Variants in FBLN5 observed in about 807,000 individuals in gnomAD.
FBLN5 encodes fibulin-5.
In FBLN5, 24 loss-of-function variants were observed where a neutral mutation model predicts 61.6. The observed-to-expected ratio is 0.39, with a 90% confidence interval of 0.28 to 0.55. The LOEUF (loss-of-function observed/expected upper bound fraction) is 0.55, where lower values mean the gene tolerates loss of function less well. Ranked by LOEUF, FBLN5 falls within the 20% of genes least tolerant of loss-of-function variation. The probability of loss-of-function intolerance (pLI) is 0.65; values close to 1 mark genes in which losing one functional copy is unlikely to be tolerated. For missense variants in FBLN5, 470 were observed against 594.1 expected, an observed-to-expected ratio of 0.79 and a Z score of 2.17; for synonymous variants, 213 against 219.8, an observed-to-expected ratio of 0.97 and a Z score of 0.27.
At chr14:91,919,390 AAAGG>A (rs3031540) in intron 4 of FBLN5, among the ~76,000 whole-genome samples, 5,593 of 99,536 alleles carry the variant, frequency 0.056, 185 homozygotes, top group South Asian at 0.18. Flanking sequence ...AGAAAGAAAG[AAAGG>A]AAGGAAGGAA....
intron 4 of FBLN5, among the ~76,000 whole-genome samples, chr14:91,933,827 T>A (rs988937660): frequency 6.6e-6 from 1 of 151,854 alleles, no homozygotes; most frequent in Admixed American, 6.6e-5. Flanking sequence ...AAAAGAGAGA[T>A]AGCTGGGTGC....
At chr14:91,903,405 G>GAGATAACA (rs1482547522) in intron 4 of FBLN5, among the ~76,000 whole-genome samples, 2 of 152,162 alleles carry the variant, frequency 1.3e-5, no homozygotes, top group Non-Finnish European at 2.9e-5. Context: ...TACCCATAAA[G>GAGATAACA]AGATAACAAA....
At chr14:91,894,482 C>T (rs987517990) in intron 5 of FBLN5, among the ~76,000 whole-genome samples, 4 of 144,830 alleles carry the variant, frequency 2.8e-5, no homozygotes, top group Non-Finnish European at 6.0e-5. Context: ...AATCTCAGCA[C>T]TTTTGAGGCG....
At chr14:91,897,675 T>C (rs1216380023) in intron 4 of FBLN5, among the ~76,000 whole-genome samples, 2 of 152,230 alleles carry the variant, frequency 1.3e-5, no homozygotes, top group South Asian at 4.1e-4. Context: ...ATCGTGGGCA[T>C]GTGTGCGAAG....
intron 9 of FBLN5, 105 bp from the exon 10 acceptor site, chr14:91,877,787 G>C: frequency 1.2e-6 from 1 of 839,726 alleles, no homozygotes; most frequent in Non-Finnish European, 2.0e-6. Context: ...CCCATTTTTA[G>C]CATCCAAATG....
intron 10 of FBLN5, among the ~76,000 whole-genome samples, chr14:91,876,669 C>A (rs979812670): frequency 6.6e-6 from 1 of 152,080 alleles, no homozygotes; most frequent in Non-Finnish European, 1.5e-5. Context: ...GTGCTGGCGG[C>A]CCCCGGAAGC....
rs1358332660 is a variant in FBLN5 at position 91,947,544 on chromosome 14, A to G, written c.-315T>C. 1 of 494,466 alleles carries G rather than the reference A, an allele frequency of 2.0e-6. No homozygotes were observed. Among genetic ancestry groups the G allele is most frequent in the Non-Finnish European group, 3.7e-6 (1 of 271,902 alleles). The allele number at this position is 494,466 out of a possible 1,614,324, so 30.6% of individuals were successfully genotyped here. The stretch of plus-strand genomic sequence containing the variant: ...TGTTAAACAATGCAAATGGGGCCTC[A>G]GTCTGGACACAGCTGGTTCAGATTA... On this transcript the variant is annotated 5_prime_UTR_variant, in exon 1 of 11. Coordinates refer to ENST00000342058, the MANE Select transcript of FBLN5 (RefSeq NM_006329.4). This position sits in a 1 kb window ranked among gnomAD's most constrained non-coding sequence, Gnocchi z 4.3.
intron 4 of FBLN5, among the ~76,000 whole-genome samples, chr14:91,899,278 G>A (rs1276969607): frequency 6.6e-6 from 1 of 152,164 alleles, no homozygotes; most frequent in Non-Finnish European, 1.5e-5. Flanking sequence ...GCTCCCTCCT[G>A]GCTGCTGTCA....
chr14:91,889,473 G>A lies in FBLN5; in HGVS notation c.619+1748C>T, dbSNP rs148453107. On this transcript the variant is annotated intron_variant, in intron 6 of 10. Coordinates refer to ENST00000342058, the MANE Select transcript of FBLN5 (RefSeq NM_006329.4). ...CCCACTCCAACCTGTTGGACAAGAA[G>A]TCTGGGCCCCTGGTTTTACTCTCAG... is the stretch of plus-strand genomic sequence containing the variant. 1.2e-3 allele frequency among the ~76,000 whole-genome samples: 180 copies of A among 152,336 alleles called. 2 individuals carry two copies. The highest frequency in any genetic ancestry group is 3.1e-3 in the African/African-American group (128 of 41,568).
intron 5 of FBLN5, among the ~76,000 whole-genome samples, chr14:91,892,678 A>C (rs2244643): frequency 0.34 from 51,034 of 152,068 alleles, 8,920 homozygotes; most frequent in African/African-American, 0.42. Flanking sequence ...GCACATCACC[A>C]AGGCCAGGCA....
At chr14:91,889,937 A>T (rs1242065176) in intron 6 of FBLN5, among the ~76,000 whole-genome samples, 1 of 152,214 alleles carries the variant, frequency 6.6e-6, no homozygotes, top group African/African-American at 2.4e-5. Flanking sequence ...TACTGGGGGC[A>T]CGGTGCCAGC....
intron 4 of FBLN5, among the ~76,000 whole-genome samples, chr14:91,919,250 G>C (rs985808811): frequency 6.6e-6 from 1 of 151,100 alleles, no homozygotes; most frequent in African/African-American, 2.4e-5. Flanking sequence ...AAAATGATGT[G>C]AACTTGGGAG....
At chr14:91,917,328 C>T (rs761890667) in intron 4 of FBLN5, among the ~76,000 whole-genome samples, 2 of 152,082 alleles carry the variant, frequency 1.3e-5, no homozygotes, top group Non-Finnish European at 2.9e-5. Context: ...CCTGTAATCC[C>T]AGCACTTTGG....
intron 5 of FBLN5, among the ~76,000 whole-genome samples, chr14:91,893,634 A>T (rs913310150): frequency 6.6e-6 from 1 of 152,268 alleles, no homozygotes; most frequent in African/African-American, 2.4e-5. Context: ...ATCACACCCT[A>T]GAATTAGAAA....
intron 4 of FBLN5, among the ~76,000 whole-genome samples, chr14:91,922,830 A>G (rs994963196): frequency 2.6e-5 from 4 of 152,156 alleles, no homozygotes; most frequent in Non-Finnish European, 4.4e-5. Context: ...GCCAGGCCCT[A>G]TCATCACAGT....
rs570461323 is a variant in FBLN5, at chr14:91,919,537, G to C, written c.379+17410C>G. Among the ~76,000 whole-genome samples, 10 of 152,144 alleles carry C rather than the reference G, an allele frequency of 6.6e-5. 1 individual carries two copies. The South Asian group carries it at 1.9e-3, about 29-fold the overall frequency. The stretch of plus-strand genomic sequence containing the variant: ...GTCCCTCCAAAATTCATATATTCAA[G>C]TCCTAACCCCCAGTACCTCAGAATG... On this transcript the variant is annotated intron_variant, in intron 4 of 10. Coordinates refer to ENST00000342058, the MANE Select transcript of FBLN5 (RefSeq NM_006329.4).
rs540592088 is a variant in FBLN5, at chr14:91,947,120, C to G, written c.17+93G>C. 2 of 1,587,416 alleles carry G rather than the reference C, an allele frequency of 1.3e-6. No homozygotes were observed. Among genetic ancestry groups the G allele is most frequent in the Non-Finnish European group, 1.7e-6 (2 of 1,159,104 alleles). ...TGCCTTTTCCAATATCCTGACACCG[C>G]CTGAATCGCAGCCATAACCATTTTC... is the stretch of plus-strand genomic sequence containing the variant. On this transcript the variant is annotated intron_variant, in intron 1 of 10. Coordinates refer to ENST00000342058, the MANE Select transcript of FBLN5 (RefSeq NM_006329.4). The surrounding 1 kb of genome is among the most constrained non-coding windows in gnomAD (Gnocchi z 4.3).
intron 4 of FBLN5, among the ~76,000 whole-genome samples, chr14:91,908,060 G>T (rs1890757997): frequency 6.6e-6 from 1 of 152,166 alleles, no homozygotes; most frequent in Non-Finnish European, 1.5e-5. Context: ...ATAAGTGCCT[G>T]ATCAATTGGG....
chr14:91,899,840 G>A lies in FBLN5; in HGVS notation c.380-4768C>T, dbSNP rs530820695. ...AAAGGAGTAAAAGAATGTCCTTCAA[G>A]TACAGAAAAGATCTTACAAAGGCAC... On this transcript the variant is annotated intron_variant, in intron 4 of 10. Coordinates refer to ENST00000342058, the MANE Select transcript of FBLN5 (RefSeq NM_006329.4). Among the ~76,000 whole-genome samples, 12 of 152,328 alleles carry A rather than the reference G, an allele frequency of 7.9e-5. No homozygotes were observed. The East Asian group carries it at 2.3e-3, about 29-fold the overall frequency.
Sources: gnomAD v4.1 joint callset for allele counts (sites outside exome capture counted in the v4.1 genomes callset) on GRCh38, gnomAD v4.1.1 for gene constraint, Gnocchi (gnomAD v3.1) non-coding constraint, MANE v1.5 for transcripts, NCBI Gene and HGNC (gene_info 2026-07-23, HGNC 2026-07-21) for gene names.